Variants in GABRA3 observed in about 807,000 individuals in gnomAD.
GABRA3 encodes the protein gamma-aminobutyric acid receptor subunit alpha-3.
GABRA3 carries 10 observed loss-of-function variants against 30.1 expected under a neutral mutation model. The ratio of observed to expected loss-of-function variants is 0.33; its 90% CI spans 0.20 to 0.56. GABRA3 has a LOEUF of 0.56. Ranked by LOEUF, GABRA3 falls within the 20% of genes least tolerant of loss-of-function variation. The probability of loss-of-function intolerance (pLI) is 0.89; values close to 1 mark genes in which losing one functional copy is unlikely to be tolerated. For synonymous variants in GABRA3, 151 were observed against 146.8 expected, an observed-to-expected ratio of 1.03 and a Z score of -0.21; for missense variants, 233 against 392.0, an observed-to-expected ratio of 0.59 and a Z score of 3.42.
intron 3 of GABRA3, among the ~76,000 whole-genome samples, chrX:152,344,934 T>C (rs1178549265): frequency 3.6e-5 from 4 of 111,995 alleles, no homozygotes; most frequent in African/African-American, 1.3e-4. Flanking sequence ...AGCATTAGAT[T>C]ACATTTTGTG....
intron 1 of GABRA3, among the ~76,000 whole-genome samples, chrX:152,428,212 C>T (rs1042062083): frequency 5.4e-5 from 6 of 111,745 alleles, no homozygotes; most frequent in African/African-American, 1.3e-4. Context: ...CAACTGGCCC[C>T]GTCCTAACAG....
At chrX:152,329,728 T>C (rs1940130861) in intron 3 of GABRA3, among the ~76,000 whole-genome samples, 1 of 112,002 alleles carries the variant, frequency 8.9e-6, no homozygotes. Context: ...ATGTTAGACC[T>C]AGAACCATAA....
At chrX:152,418,031 AAAG>A (rs1256785433) in intron 1 of GABRA3, among the ~76,000 whole-genome samples, 11 of 110,567 alleles carry the variant, frequency 9.9e-5, no homozygotes, top group African/African-American at 3.0e-4. Flanking sequence ...ATAATAAAAA[AAAG>A]AAGAAAAAAA....
In GABRA3 at chrX:152,177,040, T is replaced by A. The variant is rs1603197652; in HGVS notation, c.1144-8477A>T. The stretch of plus-strand genomic sequence containing the variant: ...ATGTATGAGAATCCAAGTGAGGAGT[T>A]GACACCTTTTTCAAAGAAGACATCT... On this transcript the variant is annotated intron_variant, in intron 9 of 9. Coordinates refer to ENST00000370314, the MANE Select transcript of GABRA3 (RefSeq NM_000808.4). Among the ~76,000 whole-genome samples, 3 of 111,606 alleles carry A rather than the reference T, an allele frequency of 2.7e-5. No homozygotes were observed. The Admixed American group carries it at 2.9e-4, about 11-fold the overall frequency.
chrX:152,412,901 G>A (rs1930107945), intron 1 of GABRA3, among the ~76,000 whole-genome samples: 1 of 111,040 alleles, frequency 9.0e-6, no homozygotes. Flanking sequence ...TGCATAATGG[G>A]CGTTTCAGAG....
intron 2 of GABRA3, among the ~76,000 whole-genome samples, chrX:152,347,519 A>T (rs968490648): frequency 2.5e-4 from 28 of 111,700 alleles, no homozygotes; most frequent in African/African-American, 9.1e-4. Flanking sequence ...GTTTGAGGGG[A>T]TGGATACCAC....
chrX:152,252,315 C>A (rs1425358574), intron 5 of GABRA3, among the ~76,000 whole-genome samples: 1 of 111,571 alleles, frequency 9.0e-6, no homozygotes, highest in African/African-American at 3.3e-5. Context: ...CTCTATATTA[C>A]ATCTCTTTTT....
chrX:152,192,076 G>A (rs1325873087), intron 8 of GABRA3, among the ~76,000 whole-genome samples: 1 of 112,099 alleles, frequency 8.9e-6, no homozygotes, highest in African/African-American at 3.2e-5. Context: ...TGCTTAGATG[G>A]AGAGAACTGT....
At chrX:152,443,774 A>G (rs1336625119) in intron 1 of GABRA3, among the ~76,000 whole-genome samples, 1 of 112,029 alleles carries the variant, frequency 8.9e-6, no homozygotes, top group Non-Finnish European at 1.9e-5. Context: ...TTGAATAAAG[A>G]CCTAAAAAAG....
intron 3 of GABRA3, among the ~76,000 whole-genome samples, chrX:152,300,676 A>T (rs1261224060): frequency 8.9e-6 from 1 of 112,453 alleles, no homozygotes; most frequent in Non-Finnish European, 1.9e-5. Context: ...TGTTCTCAGC[A>T]GAGAAATTAG....
rs202044719 is a variant in GABRA3 at position 152,284,660 on chromosome X, G to C, written c.330+8C>G. 8.6e-7 allele frequency: 1 copy of C among 1,161,595 alleles called. No individual in the cohort carries two copies. Among genetic ancestry groups the C allele is most frequent in the Non-Finnish European group, 1.2e-6 (1 of 856,275 alleles). ...TCCTCTTTTACATTTACCTTTGCAAGAACTTACCATGTCAGTGTCTGACAC... is the reference window on the plus strand; with the variant it reads ...TCCTCTTTTACATTTACCTTTGCAACAACTTACCATGTCAGTGTCTGACAC... On this transcript the variant is annotated splice_region_variant and intron_variant, in intron 4 of 9. Transcript: ENST00000370314.
intron 2 of GABRA3, among the ~76,000 whole-genome samples, chrX:152,355,487 C>T (rs1024123450): frequency 1.8e-5 from 2 of 111,243 alleles, no homozygotes; most frequent in African/African-American, 6.5e-5. Flanking sequence ...GTTTCCTCCA[C>T]CAAAAATCTG....
chrX:152,220,400 G>C (rs974251052), intron 6 of GABRA3, among the ~76,000 whole-genome samples: 1 of 111,750 alleles, frequency 8.9e-6, no homozygotes, highest in African/African-American at 3.2e-5. Flanking sequence ...TAATATAATT[G>C]TCATTGCTGT....
chrX:152,320,695 C>T (rs1939949453), intron 3 of GABRA3, among the ~76,000 whole-genome samples: 1 of 111,150 alleles, frequency 9.0e-6, no homozygotes, highest in Admixed American at 9.6e-5. Flanking sequence ...TAACAAAATA[C>T]CACCTGTTCC....
At chrX:152,199,331 A>C (rs1336765812) in intron 7 of GABRA3, among the ~76,000 whole-genome samples, 2 of 104,041 alleles carry the variant, frequency 1.9e-5, no homozygotes, top group Admixed American at 1.0e-4. Flanking sequence ...GTGCCACTGC[A>C]CTCCAGCCTG....
rs1936964605 is a variant in GABRA3 at position 152,168,522 on chromosome X, G to A, written c.1185C>T (p.Thr395=). 8.3e-7 allele frequency: 1 copy of A among 1,210,572 alleles called. No homozygotes were observed. The highest frequency in any genetic ancestry group is 3.0e-5 in the East Asian group (1 of 33,808). ...PAAPAKKTST[T]FNIVGTTYPI... is the part of the protein sequence containing the mutation. ...GATAGGTGGTCCCCACGATGTTGAA[G>A]GTAGTGCTGGTTTTCTTTGCTGGGG... The change falls in exon 10 of 10, where the codon ACC becomes ACT. Residue 395 remains threonine (T), a synonymous_variant. Transcript: ENST00000370314.
intron 1 of GABRA3, among the ~76,000 whole-genome samples, chrX:152,411,384 G>C (rs941198699): frequency 1.8e-5 from 2 of 111,023 alleles, no homozygotes; most frequent in Non-Finnish European, 3.8e-5. Context: ...AAGTTAAAAA[G>C]TATAACTGGA....
chrX:152,305,112 T>C (rs1939701893), intron 3 of GABRA3, among the ~76,000 whole-genome samples: 1 of 111,531 alleles, frequency 9.0e-6, no homozygotes, highest in Admixed American at 9.6e-5. Context: ...CGTGTATATG[T>C]ACCACATTTT....
chrX:152,239,641 AG>A (rs1938312484), intron 5 of GABRA3, among the ~76,000 whole-genome samples: 1 of 90,110 alleles, frequency 1.1e-5, no homozygotes, highest in Non-Finnish European at 2.1e-5. Flanking sequence ...GTCTCTTTGT[AG>A]GTCACTCAGG....
Sources: gnomAD v4.1 joint callset for allele counts (sites outside exome capture counted in the v4.1 genomes callset) on GRCh38, gnomAD v4.1.1 for gene constraint, MANE v1.5 for transcripts, NCBI Gene and HGNC (gene_info 2026-07-23, HGNC 2026-07-21) for gene names.